The following MIPOL1 variants were observed in gnomAD, a reference collection of about 807,000 sequenced individuals.
MIPOL1 encodes mirror-image polydactyly gene 1 protein.
MIPOL1 carries 57 observed loss-of-function variants against 60.9 expected under a neutral mutation model. The observed-to-expected ratio is 0.94, with a 90% CI of 0.76 to 1.17. The LOEUF (loss-of-function observed/expected upper bound fraction) is 1.17. Among genes scored for constraint, MIPOL1 ranks in the 50% most tolerant of loss-of-function variants. The pLI is 0.00. For synonymous variants in MIPOL1, 179 were observed against 168.8 expected (o/e 1.06, Z -0.47); for missense variants, 551 against 511.6 (o/e 1.08, Z -0.74).
intron 10 of MIPOL1, among the ~76,000 whole-genome samples, chr14:37,384,433 TC>T (rs1185381073): frequency 2.0e-5 from 3 of 151,946 alleles, no homozygotes; most frequent in Non-Finnish European, 4.4e-5. Flanking sequence ...TTATTTTTAT[TC>T]CTATTCATTA....
chr14:37,272,269 A>T (rs773123890), intron 6 of MIPOL1, among the ~76,000 whole-genome samples: 1 of 151,620 alleles, frequency 6.6e-6, no homozygotes, highest in East Asian at 1.9e-4. Flanking sequence ...GAAAATTCCC[A>T]AAGTTGTTTT....
At chr14:37,359,733 A>T (rs1349564081) in intron 9 of MIPOL1, among the ~76,000 whole-genome samples, 1 of 152,194 alleles carries the variant, frequency 6.6e-6, no homozygotes, top group Non-Finnish European at 1.5e-5. Flanking sequence ...TTGGACTGAG[A>T]CGATGGGGTT....
intron 1 of MIPOL1, among the ~76,000 whole-genome samples, chr14:37,238,261 C>A (rs12881531): frequency 0.13 from 19,339 of 152,112 alleles, 1,356 homozygotes; most frequent in South Asian, 0.28. Flanking sequence ...GAAATAGAAT[C>A]ACAATGCCTA....
At chr14:37,484,337 C>CTTTTTT (rs71449995) in intron 11 of MIPOL1, among the ~76,000 whole-genome samples, 2 of 116,436 alleles carry the variant, frequency 1.7e-5, no homozygotes, top group South Asian at 2.9e-4. Flanking sequence ...AATGTTAGAT[C>CTTTTTT]TTTTTTTTTT....
intron 9 of MIPOL1, among the ~76,000 whole-genome samples, chr14:37,329,157 C>T (rs539515479): frequency 7.2e-5 from 11 of 151,796 alleles, no homozygotes; most frequent in African/African-American, 1.9e-4. Context: ...TAAGATTGCT[C>T]TTAAGTTAAT....
At chr14:37,448,113 C>T (rs771584248) in intron 11 of MIPOL1, among the ~76,000 whole-genome samples, 1 of 152,158 alleles carries the variant, frequency 6.6e-6, no homozygotes, top group Non-Finnish European at 1.5e-5. Context: ...TCAACCAAAA[C>T]GAAAATATTT....
intron 11 of MIPOL1, among the ~76,000 whole-genome samples, chr14:37,483,309 C>T (rs1204124017): frequency 6.6e-6 from 1 of 151,814 alleles, no homozygotes; most frequent in African/African-American, 2.4e-5. Flanking sequence ...GAGATGAGGT[C>T]TTGCCACGTT....
At chr14:37,512,733 C>T (rs1270616225) in intron 12 of MIPOL1, among the ~76,000 whole-genome samples, 3 of 151,860 alleles carry the variant, frequency 2.0e-5, no homozygotes, top group African/African-American at 7.2e-5. Context: ...TAGACATATC[C>T]AAACAATATA....
At chr14:37,326,932 A>G (rs987726905) in intron 9 of MIPOL1, among the ~76,000 whole-genome samples, 2 of 152,188 alleles carry the variant, frequency 1.3e-5, no homozygotes, top group Non-Finnish European at 2.9e-5. Context: ...TAATTAATAT[A>G]AAGGACTAAT....
intron 11 of MIPOL1, among the ~76,000 whole-genome samples, chr14:37,478,564 A>G (rs1201901966): frequency 1.3e-5 from 2 of 152,176 alleles, no homozygotes; most frequent in Admixed American, 1.3e-4. Flanking sequence ...AGTCTTTACT[A>G]TCAATAATTA....
intron 11 of MIPOL1, among the ~76,000 whole-genome samples, chr14:37,450,816 C>CT (rs1174811826): frequency 2.0e-5 from 3 of 151,980 alleles, no homozygotes; most frequent in Admixed American, 6.6e-5. Flanking sequence ...GATTTCAAGT[C>CT]TTTTTTATCA....
At chr14:37,458,768 T>C (rs1291085073) in intron 11 of MIPOL1, among the ~76,000 whole-genome samples, 1 of 151,980 alleles carries the variant, frequency 6.6e-6, no homozygotes, top group Non-Finnish European at 1.5e-5. Context: ...GGAGAATCAC[T>C]TGAACCCTGG....
chr14:37,388,851 T>G (rs2093153292), intron 10 of MIPOL1, among the ~76,000 whole-genome samples: 1 of 152,106 alleles, frequency 6.6e-6, no homozygotes, highest in Non-Finnish European at 1.5e-5. Context: ...AATTCTTGCG[T>G]AGGACCCCAA....
At chr14:37,439,753 T>G (rs548610973) in intron 11 of MIPOL1, among the ~76,000 whole-genome samples, 2 of 152,370 alleles carry the variant, frequency 1.3e-5, no homozygotes, top group African/African-American at 4.8e-5. Flanking sequence ...ACTTTACTTA[T>G]AAATATTTCA....
chr14:37,244,417 C>T (rs562131790), intron 1 of MIPOL1, among the ~76,000 whole-genome samples: 6 of 151,792 alleles, frequency 4.0e-5, no homozygotes, highest in Middle Eastern at 3.4e-3. Flanking sequence ...CACCATGCCC[C>T]GCCACTTCCT....
chr14:37,504,795 C>CA (rs1314097313), intron 12 of MIPOL1: 1 of 152,008 alleles, frequency 6.6e-6, no homozygotes, highest in Non-Finnish European at 1.5e-5. Context: ...AAAAACCCTT[C>CA]AAAAAATCAA....
intron 11 of MIPOL1, among the ~76,000 whole-genome samples, chr14:37,442,733 A>G (rs958308464): frequency 1.3e-5 from 2 of 151,928 alleles, no homozygotes; most frequent in South Asian, 2.1e-4. Context: ...AACCTTTACA[A>G]TAGCATCAAA....
chr14:37,310,115 T>C (rs1481229844), intron 9 of MIPOL1, among the ~76,000 whole-genome samples: 1 of 152,120 alleles, frequency 6.6e-6, no homozygotes, highest in East Asian at 1.9e-4. Context: ...ATCGCCAACT[T>C]GCACATAATA....
chr14:37,337,024 A>AATTTTATCT (rs1216835698), intron 9 of MIPOL1, among the ~76,000 whole-genome samples: 1 of 151,920 alleles, frequency 6.6e-6, no homozygotes, highest in Non-Finnish European at 1.5e-5. Flanking sequence ...CTGCCTCTGT[A>AATTTTATCT]ATTTTATCTT....
Sources: allele counts gnomAD v4.1 joint callset (sites outside exome capture counted in the v4.1 genomes callset), GRCh38; gene constraint gnomAD v4.1.1; transcripts MANE v1.5; gene names NCBI Gene and HGNC (gene_info 2026-07-23, HGNC 2026-07-21).